The following ACO1 variants were observed in gnomAD, a reference collection of about 807,000 sequenced individuals.
The protein encoded by ACO1 is aconitase 1, also known as cytoplasmic aconitate hydratase.
A neutral mutation model predicts 105.1 loss-of-function variants in ACO1; 78 were observed. The ratio of observed to expected loss-of-function variants is 0.74; its 90% CI spans 0.62 to 0.90. The LOEUF (loss-of-function observed/expected upper bound fraction) is 0.90, where lower values mean the gene tolerates loss of function less well. Among genes scored for constraint, ACO1 ranks in the 40% least tolerant of loss-of-function variants. The pLI is 0.00. For missense variants in ACO1, 965 were observed against 1,111.1 expected (o/e 0.87, Z 1.87); for synonymous variants, 364 against 397.4 (o/e 0.92, Z 1.00).
intron 15 of ACO1, 26 bp downstream of exon 15, chr9:32,431,869 C>A (rs1462744929): frequency 1.2e-6 from 2 of 1,612,700 alleles, no homozygotes; most frequent in African/African-American, 2.7e-5. Context: ...GCCCTCCCCG[C>A]CCCAGAGGAT....
intron 10 of ACO1, 95 bp from the exon 11 acceptor site, chr9:32,425,743 A>G (rs1166710377): frequency 3.7e-6 from 3 of 816,848 alleles, no homozygotes; most frequent in Non-Finnish European, 5.4e-6. Flanking sequence ...TCAAGTGAGA[A>G]CTGTTGACTA....
chr9:32,441,023 GA>G (rs1407644840), intron 19 of ACO1, among the ~76,000 whole-genome samples: 1 of 152,238 alleles, frequency 6.6e-6, no homozygotes, highest in South Asian at 2.1e-4. Flanking sequence ...CAGTTTCACA[GA>G]AGAGAAAAGG....
chr9:32,399,488 C>G (rs946405169), intron 1 of ACO1, among the ~76,000 whole-genome samples: 4 of 152,210 alleles, frequency 2.6e-5, no homozygotes, highest in African/African-American at 9.6e-5. Flanking sequence ...ATTGGTACAG[C>G]CTTTTCCAGG....
intron 17 of ACO1, among the ~76,000 whole-genome samples, chr9:32,435,626 T>G (rs1375290027): frequency 6.6e-6 from 1 of 152,222 alleles, no homozygotes; most frequent in Non-Finnish European, 1.5e-5. Context: ...CTGCAAAGTT[T>G]CCTTTCACTG....
chr9:32,400,643 T>A (rs938608147), intron 1 of ACO1, among the ~76,000 whole-genome samples: 7 of 152,246 alleles, frequency 4.6e-5, no homozygotes, highest in Non-Finnish European at 1.0e-4. Flanking sequence ...ATTCTATCTT[T>A]CTTTCAAAGG....
chr9:32,445,541 G>T (rs1822584127), intron 19 of ACO1: 4 of 254,806 alleles, frequency 1.6e-5, no homozygotes, highest in South Asian at 1.1e-4. Flanking sequence ...CTGTTTTGTT[G>T]ATCTTTTCAA....
intron 1 of ACO1, among the ~76,000 whole-genome samples, chr9:32,385,403 A>AGTACTC (rs947921092): frequency 1.1e-4 from 16 of 152,362 alleles, no homozygotes; most frequent in Admixed American, 2.6e-4. Context: ...TCTGGTACTC[A>AGTACTC]GTACTCCTTT....
chr9:32,416,549 C>T (rs1368364431), intron 4 of ACO1, among the ~76,000 whole-genome samples: 2 of 152,172 alleles, frequency 1.3e-5, no homozygotes, highest in South Asian at 2.1e-4. Flanking sequence ...CCAACCCCCA[C>T]CCCCAGGTGG....
chr9:32,420,825 C>T (rs1563938130), intron 7 of ACO1, 31 bp from the exon 8 acceptor site: 2 of 1,602,382 alleles, frequency 1.2e-6, no homozygotes, highest in Non-Finnish European at 1.7e-6. Context: ...GCCATCAGAT[C>T]TCAAACTTTT....
intron 1 of ACO1, among the ~76,000 whole-genome samples, chr9:32,401,007 A>G (rs1296967508): frequency 1.3e-5 from 2 of 151,602 alleles, no homozygotes; most frequent in East Asian, 1.9e-4. Context: ...TTATTTTGCA[A>G]CTTTAAAATT....
intron 9 of ACO1, among the ~76,000 whole-genome samples, chr9:32,423,648 G>A (rs1822025555): frequency 6.6e-6 from 1 of 152,186 alleles, no homozygotes; most frequent in African/African-American, 2.4e-5. Context: ...TAGGTTAAGT[G>A]TGCTTCCCTA....
chr9:32,434,391 C>T (rs1243943082), intron 16 of ACO1, among the ~76,000 whole-genome samples, 168 bp from the exon 17 acceptor site: 2 of 152,156 alleles, frequency 1.3e-5, no homozygotes, highest in African/African-American at 4.8e-5. Flanking sequence ...AGTAAATTCA[C>T]CTTACTTTTC....
At chr9:32,440,406 G>A in intron 18 of ACO1, 59 bp from the exon 19 acceptor site, 2 of 1,607,240 alleles carry the variant, frequency 1.2e-6, no homozygotes, top group Non-Finnish European at 1.7e-6. Context: ...GGGCTCAGGG[G>A]ACCTGTGTCC....
Position 32,450,474 on chromosome 9 carries a change from T to G in ACO1, c.*363T>G. On this transcript the variant is annotated 3_prime_UTR_variant, in exon 21 of 21. Coordinates refer to ENST00000309951, the MANE Select transcript of ACO1 (RefSeq NM_002197.3). ...GCAAACCTTCTCAGGAGGTGTCTCC[T>G]ACCCTCTTATTGTTCCTCTTACGCT... 2.9e-6 allele frequency: 1 copy of G among 348,830 alleles called. No individual in the cohort carries two copies. The highest frequency in any genetic ancestry group is 5.6e-6 in the Non-Finnish European group (1 of 179,322). 21.6% of individuals were successfully genotyped at this position (348,830 alleles called of 1,614,324 possible).
rs112341754 is a variant in ACO1 at position 32,441,229 on chromosome 9, T to G, written c.2370+642T>G. 1.4e-4 allele frequency among the ~76,000 whole-genome samples: 21 copies of G among 152,288 alleles called. 1 individual carries two copies. In the South Asian group the frequency reaches 4.1e-3, roughly 30 times the overall value. ...TTCCGCCATCTCGGGGCTCTACCTC[T>G]TGAGGTGTCCCCATAGAAGGGGCCA... On this transcript the variant is annotated intron_variant, in intron 19 of 20. Coordinates refer to ENST00000309951, the MANE Select transcript of ACO1 (RefSeq NM_002197.3).
intron 1 of ACO1, among the ~76,000 whole-genome samples, chr9:32,392,922 T>C (rs1470452776): frequency 6.6e-6 from 1 of 152,234 alleles, no homozygotes; most frequent in Non-Finnish European, 1.5e-5. Context: ...ACTTCCCCAA[T>C]GAATACCCTT....
At chr9:32,394,319 C>T (rs1821326801) in intron 1 of ACO1, among the ~76,000 whole-genome samples, 1 of 152,200 alleles carries the variant, frequency 6.6e-6, no homozygotes, top group Non-Finnish European at 1.5e-5. Context: ...CAGCCTTCAT[C>T]CACCACACCT....
In ACO1 at chr9:32,419,018, G is replaced by C. The variant is rs372314570; in HGVS notation, c.659-20G>C. ...TAAGGGGTAATGAAGGCATTCTTCCGGTCATGCCGTTCATTGCAGGTGTCG... is the reference window on the plus strand; with the variant it reads ...TAAGGGGTAATGAAGGCATTCTTCCCGTCATGCCGTTCATTGCAGGTGTCG... On this transcript the variant is annotated intron_variant, in intron 6 of 20. Coordinates refer to ENST00000309951, the MANE Select transcript of ACO1 (RefSeq NM_002197.3). The C allele has an allele frequency of 1.0e-5, 16 of 1,568,088 alleles. No individual in the cohort carries two copies. Among genetic ancestry groups the C allele is most frequent in the African/African-American group, 2.7e-5 (2 of 73,260 alleles).
chr9:32,402,914 A>G (rs1029534929), intron 1 of ACO1, among the ~76,000 whole-genome samples: 4 of 152,198 alleles, frequency 2.6e-5, no homozygotes, highest in African/African-American at 9.6e-5. Context: ...TGCAGCTGCT[A>G]TTACTTTCTA....
Sources: allele counts gnomAD v4.1 joint callset (sites outside exome capture counted in the v4.1 genomes callset), GRCh38; gene constraint gnomAD v4.1.1; transcripts MANE v1.5; gene names NCBI Gene and HGNC (gene_info 2026-07-23, HGNC 2026-07-21).